Variants in SMCO2 observed in about 807,000 individuals in gnomAD.
SMCO2 encodes single-pass membrane and coiled-coil domain-containing protein 2.
In SMCO2, 25 loss-of-function variants were observed where a neutral mutation model predicts 29.5. The ratio of observed to expected loss-of-function variants is 0.85; its 90% CI spans 0.62 to 1.18. SMCO2 has a LOEUF of 1.18. SMCO2 is among the 50% of genes most tolerant of loss of function. The probability of loss-of-function intolerance (pLI) is 0.00; values close to 1 mark genes in which losing one functional copy is unlikely to be tolerated. For synonymous variants in SMCO2, 117 were observed against 123.3 expected, an observed-to-expected ratio of 0.95 and a Z score of 0.34; for missense variants, 348 against 344.5, an observed-to-expected ratio of 1.01 and a Z score of -0.08.
the SMCO2 span, among the ~76,000 whole-genome samples, chr12:27,458,016 C>T: frequency 6.6e-6 from 1 of 152,176 alleles, no homozygotes; most frequent in Non-Finnish European, 1.5e-5. Flanking sequence ...CCATTTTTCT[C>T]ATCTGCTGTC....
At chr12:27,434,271 C>T in the SMCO2 span, among the ~76,000 whole-genome samples, 1 of 152,196 alleles carries the variant, frequency 6.6e-6, no homozygotes, top group Non-Finnish European at 1.5e-5. Flanking sequence ...GAATCAGAAA[C>T]TCTGAATATG....
chr12:27,424,149 T>A, the SMCO2 span: 37 of 152,346 alleles, frequency 2.4e-4, no homozygotes, highest in East Asian at 6.7e-3. Flanking sequence ...TACATGTGGC[T>A]CAGATTATAT....
intron 7 of SMCO2, chr12:27,498,163 C>T: frequency 2.8e-6 from 1 of 356,892 alleles, no homozygotes; most frequent in Middle Eastern, 4.2e-4. Flanking sequence ...GTGACAACAT[C>T]TTCTCGTTTG....
upstream of SMCO2, among the ~76,000 whole-genome samples, chr12:27,464,716 C>CA (rs767874837): frequency 0.091 from 4,179 of 45,930 alleles, 176 homozygotes; most frequent in Non-Finnish European, 0.12. Flanking sequence ...GACCCTGTCT[C>CA]AAAAAAAAAA....
chr12:27,468,367 AT>A (rs1489123902), intron 1 of SMCO2, among the ~76,000 whole-genome samples: 4 of 151,048 alleles, frequency 2.6e-5, no homozygotes, highest in Admixed American at 2.0e-4. Context: ...CAATTCTCTC[AT>A]TGCAGTGCAA....
chr12:27,480,709 C>G (rs1021301443), intron 4 of SMCO2, among the ~76,000 whole-genome samples: 4 of 151,272 alleles, frequency 2.6e-5, no homozygotes, highest in East Asian at 3.9e-4. Flanking sequence ...TCTCCCCCCC[C>G]TCTCTCTCTC....
the SMCO2 span, among the ~76,000 whole-genome samples, chr12:27,444,436 G>A: frequency 1.3e-5 from 2 of 152,158 alleles, no homozygotes; most frequent in Non-Finnish European, 2.9e-5. Context: ...ATTGGTCTGG[G>A]CAAAGATTTC....
intron 5 of SMCO2, among the ~76,000 whole-genome samples, chr12:27,489,975 G>A (rs1005851005): frequency 6.6e-6 from 1 of 152,136 alleles, no homozygotes; most frequent in East Asian, 1.9e-4. Flanking sequence ...TTTAAAGGGA[G>A]GAGTTTGGAA....
chr12:27,491,111 G>A (rs970487154), intron 5 of SMCO2, among the ~76,000 whole-genome samples: 7 of 151,932 alleles, frequency 4.6e-5, no homozygotes, highest in Admixed American at 2.6e-4. Flanking sequence ...AATTAAAGGA[G>A]AAATTAGTTA....
rs773290411 is a variant in SMCO2 at position 27,501,966 on chromosome 12, G to A, written c.727G>A (p.Val243Ile). The A allele has an allele frequency of 5.2e-5, 81 of 1,546,326 alleles. 1 individual carries two copies. Among genetic ancestry groups the A allele is most frequent in the East Asian group, 5.1e-4 (21 of 40,874 alleles). The change falls in exon 8 of 8, where the codon GTC (valine) becomes ATC (isoleucine). Residue 243 changes from valine (V) to isoleucine (I), a missense_variant. By Grantham distance (29) the Val-to-Ile change is conservative. Transcript: ENST00000298876. ...TTTCATCATGTTTGATGTCCTCACC[G>A]TCACTGGACTTTTATGTTACATACT...
chr12:27,484,863 AAAAAAAAAATATAT>A (rs1315753928), intron 4 of SMCO2, among the ~76,000 whole-genome samples: 1,773 of 127,168 alleles, frequency 0.014, 15 homozygotes, highest in South Asian at 0.045. Flanking sequence ...AAAAAAAAAA[AAAAAAAAAATATAT>A]ATATATATAT....
chr12:27,499,523 C>T (rs1447582213), intron 7 of SMCO2, among the ~76,000 whole-genome samples: 2 of 150,496 alleles, frequency 1.3e-5, no homozygotes, highest in Non-Finnish European at 2.9e-5. Flanking sequence ...GATGGTTGTA[C>T]AGCCTTGTGA....
the SMCO2 span, among the ~76,000 whole-genome samples, chr12:27,426,717 A>G: frequency 6.6e-6 from 1 of 152,248 alleles, no homozygotes; most frequent in African/African-American, 2.4e-5. Flanking sequence ...ATATATAAGT[A>G]GTACAACAGT....
upstream of SMCO2, among the ~76,000 whole-genome samples, chr12:27,464,572 C>T (rs1949482385): frequency 6.6e-6 from 1 of 151,598 alleles, no homozygotes; most frequent in Non-Finnish European, 1.5e-5. Flanking sequence ...CAAAAGTTAG[C>T]CGGGTGTGGT....
the SMCO2 span, among the ~76,000 whole-genome samples, chr12:27,447,865 A>G: frequency 4.6e-5 from 7 of 152,158 alleles, no homozygotes; most frequent in Non-Finnish European, 8.8e-5. Context: ...CTGTAGATGT[A>G]CTTTCTCTGG....
intron 6 of SMCO2, among the ~76,000 whole-genome samples, 152 bp downstream of exon 7, chr12:27,494,508 A>ATTAT (rs1255140371): frequency 6.8e-6 from 1 of 147,374 alleles, no homozygotes; most frequent in Admixed American, 6.8e-5. Context: ...TATTATTATT[A>ATTAT]TTATTATTAT....
At chr12:27,488,694 C>T in intron 5 of SMCO2, 147 bp downstream of exon 6, 2 of 473,964 alleles carry the variant, frequency 4.2e-6, no homozygotes, top group Non-Finnish European at 7.2e-6. Context: ...GCACCCTTTT[C>T]CTGAGTAACA....
upstream of SMCO2, among the ~76,000 whole-genome samples, chr12:27,466,053 GTAA>G (rs1008738140): frequency 2.6e-5 from 4 of 152,266 alleles, 1 homozygote; most frequent in Non-Finnish European, 1.5e-5. Context: ...TTGTAAAAGT[GTAA>G]TAATAAGAGG....
At chr12:27,491,812 T>C (rs1315172766) in intron 5 of SMCO2, among the ~76,000 whole-genome samples, 2 of 152,012 alleles carry the variant, frequency 1.3e-5, no homozygotes, top group Non-Finnish European at 2.9e-5. Context: ...CAAGTGATTC[T>C]CATGCCTCAG....
Sources: allele counts gnomAD v4.1 joint callset (sites outside exome capture counted in the v4.1 genomes callset), GRCh38; gene constraint gnomAD v4.1.1; transcripts MANE v1.5; gene names NCBI Gene and HGNC (gene_info 2026-07-23, HGNC 2026-07-21).